The following SF3A3 variants were observed in gnomAD, a reference collection of about 807,000 sequenced individuals.
The protein encoded by SF3A3 is splicing factor 3a subunit 3, also known as SAP 61.
Under a neutral mutation model 85.8 loss-of-function variants are expected in SF3A3, and 9 were observed. That is an observed-to-expected ratio of 0.10 (90% CI 0.06 to 0.18). The LOEUF is 0.18. SF3A3 is among the 10% of genes least tolerant of loss of function. SF3A3 has a pLI of 1.00. For synonymous variants in SF3A3, 195 were observed against 204.4 expected, an observed-to-expected ratio of 0.95 and a Z score of 0.39; for missense variants, 306 against 593.3, an observed-to-expected ratio of 0.52 and a Z score of 5.03.
chr1:37,975,039 GGCT>G (rs2148720284), intron 12 of SF3A3, among the ~76,000 whole-genome samples: 1 of 152,206 alleles, frequency 6.6e-6, no homozygotes, highest in Admixed American at 6.5e-5. Context: ...AAGGGCAAGA[GGCT>G]GTGTCTTATT....
chr1:37,966,977 C>CGGT (rs909857690), intron 15 of SF3A3, among the ~76,000 whole-genome samples: 1 of 132,724 alleles, frequency 7.5e-6, no homozygotes, highest in African/African-American at 2.9e-5. Flanking sequence ...TAATTAGGCG[C>CGGT]GGTGGCTCAC....
intron 15 of SF3A3, among the ~76,000 whole-genome samples, chr1:37,965,362 T>C (rs574710539): frequency 0.11 from 253 of 2,246 alleles, no homozygotes; most frequent in African/African-American, 0.44. Flanking sequence ...TTGCTTTCTT[T>C]GTCATAAGAA....
intron 2 of SF3A3, among the ~76,000 whole-genome samples, chr1:37,988,520 T>A (rs1418416415): frequency 6.6e-6 from 1 of 152,238 alleles, no homozygotes; most frequent in Non-Finnish European, 1.5e-5. Flanking sequence ...TACTGTCAAG[T>A]GAGATCAGGT....
chr1:37,964,270 T>C (rs28476624), intron 15 of SF3A3, among the ~76,000 whole-genome samples: 137,943 of 152,216 alleles, frequency 0.91, 62,637 homozygotes, highest in East Asian at 1. Context: ...CTTAAAAAAT[T>C]ACGTGATAAG....
chr1:37,970,467 G>C (rs1257741912), intron 12 of SF3A3, among the ~76,000 whole-genome samples: 1 of 152,004 alleles, frequency 6.6e-6, no homozygotes, highest in Non-Finnish European at 1.5e-5. Flanking sequence ...AAGTTAACAA[G>C]GATATCCAGG....
At chr1:37,989,434 C>T in intron 2 of SF3A3, 114 bp downstream of exon 2, 1 of 1,140,222 alleles carries the variant, frequency 8.8e-7, no homozygotes, top group Non-Finnish European at 1.2e-6. Context: ...GAGCCCGCGA[C>T]TGGCCAATCC....
Position 37,989,992 on chromosome 1 carries a change from C to G in SF3A3, c.-27G>C, listed in dbSNP as rs773578154. ...TTCCCTTAGTCGCGGCTTCTCAATTCAGACCACCAACACGGCCGGAAGCAA... is the reference window on the plus strand; with the variant it reads ...TTCCCTTAGTCGCGGCTTCTCAATTGAGACCACCAACACGGCCGGAAGCAA... On this transcript the variant is annotated 5_prime_UTR_variant, in exon 1 of 17. Transcript: ENST00000373019. 6.4e-7 allele frequency: 1 copy of G among 1,561,538 alleles called. No individual in the cohort carries two copies. The highest frequency in any genetic ancestry group is 1.4e-5 in the African/African-American group (1 of 74,040).
At chr1:37,977,419 T>C (rs1217443309) in intron 11 of SF3A3, among the ~76,000 whole-genome samples, 1 of 152,184 alleles carries the variant, frequency 6.6e-6, no homozygotes, top group Non-Finnish European at 1.5e-5. Context: ...AAGAAAATAC[T>C]GGGCCAGGCT....
At chr1:37,984,035 C>CATAATATTAAATATTATGTAAT in intron 6 of SF3A3, 134 bp downstream of exon 6, 1 of 509,974 alleles carries the variant, frequency 2.0e-6, no homozygotes, top group Non-Finnish European at 3.6e-6. Flanking sequence ...GAGCATATCA[C>CATAATATTAAATATTATGTAAT]CTCTTTAATA....
chr1:37,957,377 C>G lies in SF3A3; in HGVS notation c.*809G>C, dbSNP rs1475482743. On this transcript the variant is annotated 3_prime_UTR_variant, in exon 17 of 17. Transcript: ENST00000373019. ...GGCCCATTCCAACACAGCCCAACTC[C>G]CCCCCCCCCCCCTTTTTTTTTTTTT... 2 of 53,940 alleles carry G rather than the reference C, an allele frequency of 3.7e-5. No individual in the cohort carries two copies. The highest frequency in any genetic ancestry group is 1.2e-4 in the African/African-American group (1 of 8,512). 3.3% of individuals were successfully genotyped at this position (53,940 alleles called of 1,614,324 possible). A position where few individuals can be genotyped will look rare whatever the true frequency, so the allele number is the denominator to read the frequency against.
chr1:37,968,070 A>G lies in SF3A3; in HGVS notation c.1346T>C (p.Val449Ala). ...GGAGACAGCATCTTCAATCTGTGTCACATTAGCAAAGTGAGCAGTGTTTGG... is the reference window on the plus strand; with the variant it reads ...GGAGACAGCATCTTCAATCTGTGTCGCATTAGCAAAGTGAGCAGTGTTTGG... ...GIPNTAHFAN[V>A]TQIEDAVSLW... The change falls in exon 15 of 17, where the codon GTG becomes GCG. Residue 449 changes from valine to alanine, a missense_variant. By Grantham distance (64) the Val-to-Ala change is moderately conservative. Around this residue, in one of 4 missense-constraint regions of SF3A3, gnomAD observed 18 missense variants for 77.4 expected, o/e 0.23. Coordinates refer to ENST00000373019, the MANE Select transcript of SF3A3 (RefSeq NM_006802.4). 6.2e-7 allele frequency: 1 copy of G among 1,612,572 alleles called. No individual in the cohort carries two copies.
intron 6 of SF3A3, among the ~76,000 whole-genome samples, chr1:37,982,629 C>T (rs1324384082): frequency 6.6e-6 from 1 of 152,148 alleles, no homozygotes; most frequent in East Asian, 1.9e-4. Context: ...GCCTTGGCCT[C>T]CCAAAGTGCT....
intron 6 of SF3A3, among the ~76,000 whole-genome samples, chr1:37,982,461 C>A (rs1184733486): frequency 6.6e-6 from 1 of 151,828 alleles, no homozygotes; most frequent in Non-Finnish European, 1.5e-5. Context: ...ACCTCCACCT[C>A]ATGGGTTCAA....
At chr1:37,959,080 CTTTT>C (rs369121020) in intron 16 of SF3A3, among the ~76,000 whole-genome samples, 1 of 143,320 alleles carries the variant, frequency 7.0e-6, no homozygotes. Context: ...ACTTTTTTTT[CTTTT>C]TTTTTTTTTT....
chr1:37,970,807 A>G (rs1332664139), intron 12 of SF3A3, among the ~76,000 whole-genome samples: 1 of 152,212 alleles, frequency 6.6e-6, no homozygotes, highest in African/African-American at 2.4e-5. Context: ...TTGGAAACCA[A>G]TGAGCACAAA....
intron 12 of SF3A3, among the ~76,000 whole-genome samples, chr1:37,973,994 C>A (rs1055289254): frequency 6.6e-6 from 1 of 152,128 alleles, no homozygotes; most frequent in Non-Finnish European, 1.5e-5. Context: ...GAAAACCAAA[C>A]ACCGAATGTT....
At chr1:37,984,978 T>G (rs1646446271) in intron 4 of SF3A3, among the ~76,000 whole-genome samples, 199 bp from the exon 5 acceptor site, 1 of 152,200 alleles carries the variant, frequency 6.6e-6, no homozygotes, top group South Asian at 2.1e-4. Flanking sequence ...TGGCTAATTC[T>G]TGTATTTTTA....
intron 2 of SF3A3, among the ~76,000 whole-genome samples, chr1:37,988,860 TGTG>T (rs1646473168): frequency 6.8e-6 from 1 of 147,286 alleles, no homozygotes; most frequent in Non-Finnish European, 1.5e-5. Context: ...GGGTGTGTTG[TGTG>T]TGTGTGTGTG....
chr1:37,961,890 A>G (rs1453687445), intron 15 of SF3A3, among the ~76,000 whole-genome samples: 3 of 151,132 alleles, frequency 2.0e-5, no homozygotes, highest in African/African-American at 7.3e-5. Flanking sequence ...GTTCGAGACC[A>G]GCCTGACCAA....
Sources: allele counts gnomAD v4.1 joint callset (sites outside exome capture counted in the v4.1 genomes callset), GRCh38; gene constraint gnomAD v4.1.1; regional missense constraint gnomAD v4.1.1; transcripts MANE v1.5; gene names NCBI Gene and HGNC (gene_info 2026-07-23, HGNC 2026-07-21).